The following UVRAG variants were observed in gnomAD, a reference collection of about 807,000 sequenced individuals.
UVRAG encodes UV radiation resistance associated, also known as UV radiation resistance-associated gene protein.
Under a neutral mutation model 78.0 loss-of-function variants are expected in UVRAG, and 19 were observed. The ratio of observed to expected loss-of-function variants is 0.24; its 90% CI spans 0.17 to 0.36. The LOEUF (loss-of-function observed/expected upper bound fraction) is 0.36. Among genes scored for constraint, UVRAG ranks in the 10% least tolerant of loss-of-function variants. The pLI is 1.00. For missense variants in UVRAG, 740 were observed against 853.8 expected (o/e 0.87, Z 1.66); for synonymous variants, 323 against 324.6 (o/e 1.00, Z 0.05).
intron 13 of UVRAG, among the ~76,000 whole-genome samples, chr11:76,068,394 T>G (rs1951236417): frequency 6.6e-6 from 1 of 152,200 alleles, no homozygotes. Context: ...AGTAATTGTG[T>G]ATCCTCTCCA....
chr11:75,881,875 G>T (rs1486681897), intron 4 of UVRAG, among the ~76,000 whole-genome samples: 1 of 151,998 alleles, frequency 6.6e-6, no homozygotes, highest in Non-Finnish European at 1.5e-5. Flanking sequence ...TTTTCCAGAT[G>T]AAAAAAATTG....
intron 7 of UVRAG, among the ~76,000 whole-genome samples, chr11:75,975,227 C>T (rs1213479477): frequency 6.6e-6 from 1 of 152,104 alleles, no homozygotes; most frequent in East Asian, 1.9e-4. Flanking sequence ...TGATCTATAT[C>T]TCTGTTTTGG....
In UVRAG at chr11:76,016,837, T is replaced by C. The variant is rs1400978544; in HGVS notation, c.1083T>C (p.Ala361=). ...DFQAKDDGSI[A]VALGYTAHLV... is the part of the protein sequence containing the mutation. ...CAGCAAAAGATGATGGAAGCATTGC[T>C]GTTGCCCTTGGTTATACTGCACATC... Residue 361 remains alanine, a synonymous_variant, in exon 12 of 15, where the codon GCT becomes GCC. Coordinates refer to ENST00000356136, the MANE Select transcript of UVRAG (RefSeq NM_003369.4). The C allele has an allele frequency of 1.9e-6, 3 of 1,602,968 alleles. No individual in the cohort carries two copies. The highest frequency in any genetic ancestry group is 2.6e-6 in the Non-Finnish European group (3 of 1,173,790).
intron 8 of UVRAG, among the ~76,000 whole-genome samples, chr11:75,995,926 C>A (rs1255470017): frequency 6.6e-6 from 1 of 152,006 alleles, no homozygotes; most frequent in Non-Finnish European, 1.5e-5. Flanking sequence ...AAGTCTGGAC[C>A]TGAGGACAGA....
At chr11:75,973,720 A>T (rs1240093142) in intron 7 of UVRAG, among the ~76,000 whole-genome samples, 1 of 152,110 alleles carries the variant, frequency 6.6e-6, no homozygotes, top group Non-Finnish European at 1.5e-5. Context: ...CCCCCAACCC[A>T]CGACAGGCCC....
intron 1 of UVRAG, among the ~76,000 whole-genome samples, chr11:75,845,505 AG>A (rs1301371547): frequency 6.6e-6 from 1 of 152,250 alleles, no homozygotes; most frequent in Non-Finnish European, 1.5e-5. Flanking sequence ...GCCAGAAAAA[AG>A]AATGAGATCA....
chr11:75,906,470 C>T (rs191811330), intron 5 of UVRAG, among the ~76,000 whole-genome samples: 163 of 152,034 alleles, frequency 1.1e-3, no homozygotes, highest in Non-Finnish European at 1.9e-3. Flanking sequence ...CCTCCAGCCT[C>T]CCGAGTAGCT....
intron 11 of UVRAG, 67 bp from the exon 12 acceptor site, chr11:76,016,748 T>C: frequency 1.5e-6 from 2 of 1,303,080 alleles, no homozygotes; most frequent in Non-Finnish European, 2.0e-6. Flanking sequence ...TTGAAAATTA[T>C]TTATTATCTT....
chr11:76,027,068 T>G (rs910330786), intron 12 of UVRAG, among the ~76,000 whole-genome samples: 4 of 152,026 alleles, frequency 2.6e-5, no homozygotes, highest in African/African-American at 9.7e-5. Context: ...ATTTCACAAA[T>G]GGAGAAACAG....
At chr11:75,987,601 T>C (rs1565106056) in intron 8 of UVRAG, among the ~76,000 whole-genome samples, 1 of 152,224 alleles carries the variant, frequency 6.6e-6, no homozygotes, top group Non-Finnish European at 1.5e-5. Flanking sequence ...TTTTCTCATT[T>C]CCAGTCTCAG....
chr11:76,140,471 C>G (rs1490216711), intron 14 of UVRAG, among the ~76,000 whole-genome samples: 1 of 152,134 alleles, frequency 6.6e-6, no homozygotes, highest in East Asian at 1.9e-4. Context: ...GCCTTGGGCC[C>G]TCTTCTCTAA....
chr11:75,839,528 T>C (rs1256184723), intron 1 of UVRAG, among the ~76,000 whole-genome samples: 5 of 151,958 alleles, frequency 3.3e-5, no homozygotes, highest in Non-Finnish European at 5.9e-5. Flanking sequence ...CTTTATTGAT[T>C]AGTTCTCTTT....
At chr11:76,118,087 T>C (rs1213976704) in intron 14 of UVRAG, among the ~76,000 whole-genome samples, 3 of 152,228 alleles carry the variant, frequency 2.0e-5, no homozygotes, top group Non-Finnish European at 4.4e-5. Flanking sequence ...ATCGCTTGCT[T>C]TTTTAAAACA....
Position 76,066,629 on chromosome 11 carries a change from C to T in UVRAG, c.1305+841C>T, listed in dbSNP as rs1951192467. On this transcript the variant is annotated intron_variant, in intron 13 of 14. Coordinates refer to ENST00000356136, the MANE Select transcript of UVRAG (RefSeq NM_003369.4). Reference sequence around the variant, plus strand: ...GTGGGATTACAGGCGCATGCCACCACGCTCAGCTAATGTTTTGTGTTTTTA... The same window carrying T: ...GTGGGATTACAGGCGCATGCCACCATGCTCAGCTAATGTTTTGTGTTTTTA... Among the ~76,000 whole-genome samples, 8 of 152,130 alleles carry T rather than the reference C, an allele frequency of 5.3e-5. No homozygotes were observed. The South Asian group carries it at 1.2e-3, about 24-fold the overall frequency.
intron 7 of UVRAG, among the ~76,000 whole-genome samples, chr11:75,967,767 C>T (rs1949052094): frequency 6.6e-6 from 1 of 152,194 alleles, no homozygotes; most frequent in Non-Finnish European, 1.5e-5. Context: ...TTCACATCTG[C>T]TTCTGCAGTG....
intron 13 of UVRAG, among the ~76,000 whole-genome samples, chr11:76,070,369 A>G (rs541957166): frequency 9.3e-4 from 141 of 152,316 alleles, no homozygotes; most frequent in African/African-American, 3.1e-3. Context: ...GCATAAGTCT[A>G]GGGATATAAT....
intron 1 of UVRAG, among the ~76,000 whole-genome samples, chr11:75,846,319 G>A (rs1244981154): frequency 6.6e-6 from 1 of 152,168 alleles, no homozygotes; most frequent in Non-Finnish European, 1.5e-5. Context: ...TGGTGGGTGG[G>A]CATCAGAATC....
chr11:75,880,978 C>T (rs1339714686), intron 4 of UVRAG, among the ~76,000 whole-genome samples: 4 of 130,700 alleles, frequency 3.1e-5, no homozygotes, highest in African/African-American at 1.2e-4. Context: ...GGGTCTTGCC[C>T]TGGTGCCTAG....
intron 14 of UVRAG, chr11:76,137,075 C>G (rs1187238285): frequency 4.8e-5 from 9 of 188,672 alleles, no homozygotes; most frequent in African/African-American, 2.3e-5. Flanking sequence ...AAAATCAATT[C>G]TGAACAGCTA....
Sources: gnomAD v4.1 joint callset for allele counts (sites outside exome capture counted in the v4.1 genomes callset) on GRCh38, gnomAD v4.1.1 for gene constraint, MANE v1.5 for transcripts, NCBI Gene and HGNC (gene_info 2026-07-23, HGNC 2026-07-21) for gene names.